EML5: variants seen among roughly 807,000 people sequenced by gnomAD.
EML5 encodes the protein EMAP like 5.
EML5 carries 120 observed loss-of-function variants against 250.0 expected under a neutral mutation model. That is an observed-to-expected ratio of 0.48 (90% CI 0.41 to 0.56). The LOEUF is 0.56. Among genes scored for constraint, EML5 ranks in the 20% least tolerant of loss-of-function variants. The probability of loss-of-function intolerance (pLI) is 0.00; values close to 1 mark genes in which losing one functional copy is unlikely to be tolerated. For synonymous variants in EML5, 771 were observed against 806.5 expected (o/e 0.96, Z 0.75); for missense variants, 2,006 against 2,437.6 (o/e 0.82, Z 3.73).
At chr14:88,789,394 T>C (rs1375835184) in intron 1 of EML5, among the ~76,000 whole-genome samples, 3 of 152,026 alleles carry the variant, frequency 2.0e-5, no homozygotes, top group Non-Finnish European at 4.4e-5. Flanking sequence ...GATAAATGAC[T>C]AGAGAAGTAT....
chr14:88,672,585 G>A (rs1278868220), intron 21 of EML5, among the ~76,000 whole-genome samples: 8 of 151,548 alleles, frequency 5.3e-5, no homozygotes, highest in Admixed American at 6.6e-5. Context: ...CGAAAAGCGC[G>A]TCAAAAAATA....
rs1009627807 is a variant in EML5 at position 88,750,268 on chromosome 14, T to C, written c.358-3985A>G. On this transcript the variant is annotated intron_variant, in intron 2 of 43. Coordinates refer to ENST00000554922, the MANE Select transcript of EML5 (RefSeq NM_183387.3). ...CCCTGTACCTTACTTTCTTCACCTA[T>C]TAAATGGGGATATAAAATTACTTCA... Among the ~76,000 whole-genome samples the C allele has an allele frequency of 3.9e-5, 6 of 152,240 alleles. No homozygotes were observed. The South Asian group carries it at 1.0e-3, about 26-fold the overall frequency.
At chr14:88,656,818 A>G (rs1203051635) in intron 27 of EML5, among the ~76,000 whole-genome samples, 3 of 152,324 alleles carry the variant, frequency 2.0e-5, no homozygotes, top group African/African-American at 4.8e-5. Context: ...TACTGCTCAC[A>G]TACTTCTTAA....
rs759142619 is a variant in EML5 at position 88,702,592 on chromosome 14, G to T, written c.2092C>A (p.Gln698Lys). 6.2e-7 allele frequency: 1 copy of T among 1,609,134 alleles called. No individual in the cohort carries two copies. Among genetic ancestry groups the T allele is most frequent in the South Asian group, 1.1e-5 (1 of 90,140 alleles). ...YDCRSNLFYT[Q>K]IGEIVYHVAA... ...ACATGGTACACAATTTCACCAATTTGAGTATAAAACAGATTACTTCGACAG... is the reference window on the plus strand; with the variant it reads ...ACATGGTACACAATTTCACCAATTTTAGTATAAAACAGATTACTTCGACAG... The change falls in exon 14 of 44, where the codon CAA (glutamine) becomes AAA (lysine). Residue 698 changes from glutamine (Q) to lysine (K), a missense_variant. Transcript: ENST00000554922.
chr14:88,684,979 G>T, intron 20 of EML5, 36 bp downstream of exon 20: 1 of 1,563,286 alleles, frequency 6.4e-7, no homozygotes, highest in East Asian at 2.3e-5. Context: ...TCAATTGTAT[G>T]TAAAGAAAAA....
intron 14 of EML5, among the ~76,000 whole-genome samples, chr14:88,700,748 G>A (rs745666362): frequency 1.3e-5 from 2 of 152,028 alleles, no homozygotes; most frequent in South Asian, 2.1e-4. Context: ...GAGGACAAAC[G>A]TTTCTCAGAA....
chr14:88,689,698 C>T (rs1165631455), intron 17 of EML5, among the ~76,000 whole-genome samples: 2 of 152,076 alleles, frequency 1.3e-5, no homozygotes, highest in African/African-American at 2.4e-5. Flanking sequence ...TGTGCCAGTA[C>T]GCTCCAGCCT....
intron 9 of EML5, among the ~76,000 whole-genome samples, chr14:88,713,329 C>T (rs958667038): frequency 6.6e-6 from 1 of 151,596 alleles, no homozygotes; most frequent in Non-Finnish European, 1.5e-5. Flanking sequence ...GAGGCAGAGG[C>T]TGTAGTGAGC....
At position 88,746,248 on chromosome 14, in the gene EML5, T is replaced by C. The variant is rs754868894; in HGVS notation, c.393A>G (p.Ala131=). The change falls in exon 3 of 44, where the codon GCA becomes GCG. Residue 131 remains alanine (A), a synonymous_variant. Coordinates refer to ENST00000554922, the MANE Select transcript of EML5 (RefSeq NM_183387.3). ...CCCTTTTCCAGTCCCAAACACAAAC[T>C]GCATTCTTTGAATCAAGTCCAACTG... ...LVSVGLDSKN[A]VCVWDWKRGK... is the part of the protein sequence containing the mutation. 3.1e-6 allele frequency: 5 copies of C among 1,613,418 alleles called. No homozygotes were observed. Among genetic ancestry groups the C allele is most frequent in the Non-Finnish European group, 2.5e-6 (3 of 1,179,552 alleles).
intron 21 of EML5, among the ~76,000 whole-genome samples, chr14:88,672,760 C>G (rs1288916146): frequency 1.3e-5 from 2 of 152,144 alleles, no homozygotes; most frequent in African/African-American, 4.8e-5. Flanking sequence ...CTATAAACAC[C>G]TCTATGCAAA....
At position 88,615,570 on chromosome 14, in the gene EML5, C is replaced by T; in HGVS notation, c.*248G>A. The T allele has an allele frequency of 4.6e-6, 2 of 434,422 alleles. No homozygotes were observed. Among genetic ancestry groups the T allele is most frequent in the Non-Finnish European group, 8.1e-6 (2 of 246,942 alleles). The allele number at this position is 434,422 out of a possible 1,614,324, so 26.9% of individuals were successfully genotyped here. ...ACTTCCCAATACAGGGGGACTTGGC[C>T]TTTACCATCAAGTATTCGATCCTTC... On this transcript the variant is annotated 3_prime_UTR_variant, in exon 44 of 44. Transcript: ENST00000554922.
chr14:88,751,754 G>A (rs1209143765), intron 2 of EML5, among the ~76,000 whole-genome samples: 1 of 152,060 alleles, frequency 6.6e-6, no homozygotes, highest in African/African-American at 2.4e-5. Context: ...AAGCAGACAA[G>A]GAAAGACTCC....
At chr14:88,656,489 G>C (rs1227371807) in intron 27 of EML5, among the ~76,000 whole-genome samples, 1 of 152,108 alleles carries the variant, frequency 6.6e-6, no homozygotes, top group African/African-American at 2.4e-5. Flanking sequence ...CTAGGGGAGG[G>C]ATAGCATTAG....
At chr14:88,774,093 G>A (rs1950805) in intron 1 of EML5, among the ~76,000 whole-genome samples, 26,772 of 152,132 alleles carry the variant, frequency 0.18, 2,914 homozygotes, top group East Asian at 0.47. Flanking sequence ...ACTCCAGCCT[G>A]GGTGACGAGA....
chr14:88,760,823 T>C (rs2094229938), intron 1 of EML5, among the ~76,000 whole-genome samples: 1 of 152,088 alleles, frequency 6.6e-6, no homozygotes, highest in African/African-American at 2.4e-5. Flanking sequence ...CAGGTATTCT[T>C]TGTTTTCTGT....
At chr14:88,680,009 C>T (rs2092684123) in intron 21 of EML5, among the ~76,000 whole-genome samples, 1 of 152,096 alleles carries the variant, frequency 6.6e-6, no homozygotes, top group South Asian at 2.1e-4. Context: ...TTAAAAGAAA[C>T]ATCAGTTATT....
chr14:88,772,016 T>A (rs1365293765), intron 1 of EML5, among the ~76,000 whole-genome samples: 2 of 152,220 alleles, frequency 1.3e-5, no homozygotes, highest in African/African-American at 2.4e-5. Flanking sequence ...GCACAATGGA[T>A]ACATTCCTCA....
chr14:88,750,883 G>C (rs1360289511), intron 2 of EML5, among the ~76,000 whole-genome samples: 1 of 152,180 alleles, frequency 6.6e-6, no homozygotes, highest in Non-Finnish European at 1.5e-5. Flanking sequence ...ATACTGTGTA[G>C]AGGTTAAAAT....
intron 7 of EML5, among the ~76,000 whole-genome samples, chr14:88,730,954 C>T (rs1012067623): frequency 3.3e-5 from 5 of 152,058 alleles, no homozygotes; most frequent in South Asian, 2.1e-4. Context: ...AAGACTCTCT[C>T]GTTTTTTTTA....
Sources: gnomAD v4.1 joint callset for allele counts (sites outside exome capture counted in the v4.1 genomes callset) on GRCh38, gnomAD v4.1.1 for gene constraint, MANE v1.5 for transcripts, NCBI Gene and HGNC (gene_info 2026-07-23, HGNC 2026-07-21) for gene names.